GATAD1: variants seen among roughly 807,000 people sequenced by gnomAD.
GATAD1 encodes GATA zinc finger domain-containing protein 1.
In GATAD1, 12 loss-of-function variants were observed where a neutral mutation model predicts 26.5. That is an observed-to-expected ratio of 0.45 (90% confidence interval 0.29 to 0.73). The LOEUF (loss-of-function observed/expected upper bound fraction) is 0.73, where lower values mean the gene tolerates loss of function less well. Ranked by LOEUF, GATAD1 falls within the 30% of genes least tolerant of loss-of-function variation. The probability of loss-of-function intolerance (pLI) is 0.10; values close to 1 mark genes in which losing one functional copy is unlikely to be tolerated. For missense variants in GATAD1, 266 were observed against 342.1 expected (o/e 0.78, Z 1.75); for synonymous variants, 129 against 133.1 (o/e 0.97, Z 0.21).
the GATAD1 span, among the ~76,000 whole-genome samples, chr7:92,482,836 G>T: frequency 2.0e-5 from 3 of 152,126 alleles, no homozygotes; most frequent in African/African-American, 7.2e-5. Context: ...GCACCAGAGT[G>T]GGGGAGTTTT....
At chr7:92,490,499 G>C in the GATAD1 span, among the ~76,000 whole-genome samples, 16 of 152,102 alleles carry the variant, frequency 1.1e-4, no homozygotes, top group African/African-American at 3.9e-4. Context: ...GCTGGGCATG[G>C]TGGCATGTGC....
the GATAD1 span, among the ~76,000 whole-genome samples, chr7:92,477,194 C>A: frequency 5.3e-5 from 8 of 152,148 alleles, no homozygotes; most frequent in African/African-American, 1.9e-4. Flanking sequence ...TTGAGGCAAA[C>A]CAAGTCCCCA....
Position 92,456,621 on chromosome 7 carries a change from G to A in GATAD1, c.*59G>A. On this transcript the variant is annotated 3_prime_UTR_variant, in exon 5 of 5. Coordinates refer to ENST00000287957, the MANE Select transcript of GATAD1 (RefSeq NM_021167.5). ...GTGGTGGCTCACGCCTGTAGCCCCA[G>A]CTATTGCACCACTGCTCTCCAAGCT... 2 of 1,044,740 alleles carry A rather than the reference G, an allele frequency of 1.9e-6. No homozygotes were observed. Among genetic ancestry groups the A allele is most frequent in the Non-Finnish European group, 2.9e-6 (2 of 696,436 alleles). The allele number at this position is 1,044,740 out of a possible 1,614,324, so 64.7% of individuals were successfully genotyped here.
the GATAD1 span, chr7:92,494,514 G>A: frequency 6.2e-7 from 1 of 1,613,864 alleles, no homozygotes; most frequent in Non-Finnish European, 8.5e-7. Context: ...CCATCCAACT[G>A]AGTCAGCAAC....
At chr7:92,470,042 TA>T in the GATAD1 span, 1 of 778,860 alleles carries the variant, frequency 1.3e-6, no homozygotes, top group Admixed American at 1.7e-5. Flanking sequence ...CCATCAGACA[TA>T]CCAGTTTGGG....
the GATAD1 span, among the ~76,000 whole-genome samples, chr7:92,486,507 G>A: frequency 2.6e-5 from 4 of 152,162 alleles, no homozygotes; most frequent in Admixed American, 6.5e-5. Context: ...GCAGGGTGAC[G>A]TGTCTCAGTT....
At position 92,448,932 on chromosome 7, in the gene GATAD1, C is replaced by T. The variant is rs141557811; in HGVS notation, c.375+55C>T. ...TGTAATGACGTTGTGTGTATCCTGC[C>T]ACTGCCTTCATTTCTCACCATTGAA... On this transcript the variant is annotated intron_variant, in intron 2 of 4. Coordinates refer to ENST00000287957, the MANE Select transcript of GATAD1 (RefSeq NM_021167.5). 457 of 1,531,854 alleles carry T rather than the reference C, an allele frequency of 3.0e-4. No homozygotes were observed. The African/African-American group carries it at 5.2e-3, about 17-fold the overall frequency. 94.9% of individuals were successfully genotyped at this position (1,531,854 alleles called of 1,614,324 possible).
chr7:92,453,078 C>G (rs1010497409), intron 3 of GATAD1, among the ~76,000 whole-genome samples: 2 of 152,150 alleles, frequency 1.3e-5, no homozygotes, highest in African/African-American at 4.8e-5. Context: ...CCAGATGAAA[C>G]AGCCACCCTC....
At chr7:92,478,094 A>G in the GATAD1 span, 1 of 152,172 alleles carries the variant, frequency 6.6e-6, no homozygotes, top group African/African-American at 2.4e-5. Flanking sequence ...GTGTGAGCTA[A>G]GTTGCAAGCC....
chr7:92,487,592 A>G, the GATAD1 span: 1 of 793,668 alleles, frequency 1.3e-6, no homozygotes, highest in Non-Finnish European at 2.1e-6. Context: ...CCATTACAAA[A>G]CAAAAGATAA....
At chr7:92,494,014 A>G in the GATAD1 span, 3 of 375,032 alleles carry the variant, frequency 8.0e-6, no homozygotes, top group Admixed American at 8.1e-5. Flanking sequence ...CTTTGAACAG[A>G]AGATAATGTG....
chr7:92,486,514 A>G, the GATAD1 span, among the ~76,000 whole-genome samples: 1 of 152,202 alleles, frequency 6.6e-6, no homozygotes, highest in South Asian at 2.1e-4. Context: ...GACGTGTCTC[A>G]GTTTAATACT....
chr7:92,480,801 T>C, the GATAD1 span, among the ~76,000 whole-genome samples: 1 of 147,914 alleles, frequency 6.8e-6, no homozygotes, highest in Admixed American at 6.7e-5. Flanking sequence ...TCTGACGCCT[T>C]TTGGTGGCCC....
chr7:92,478,805 C>T, the GATAD1 span, among the ~76,000 whole-genome samples: 1 of 152,144 alleles, frequency 6.6e-6, no homozygotes, highest in African/African-American at 2.4e-5. Context: ...AAACTAGGTC[C>T]ACCCAACATG....
intron 2 of GATAD1, 73 bp from the exon 3 acceptor site, chr7:92,450,628 C>A: frequency 1.1e-6 from 1 of 936,594 alleles, no homozygotes; most frequent in South Asian, 1.4e-5. Flanking sequence ...TTGCAGAACT[C>A]TCATAGGGCT....
At chr7:92,464,154 C>T (rs147565829), downstream of GATAD1, among the ~76,000 whole-genome samples, 213 of 152,074 alleles carry the variant, frequency 1.4e-3, 2 homozygotes, top group African/African-American at 4.8e-3. Flanking sequence ...TAAAAAAATA[C>T]GTGGGCAAAG....
At chr7:92,479,352 G>A in the GATAD1 span, among the ~76,000 whole-genome samples, 14 of 152,172 alleles carry the variant, frequency 9.2e-5, no homozygotes, top group Non-Finnish European at 7.4e-5. Flanking sequence ...GGTAGTGGAG[G>A]GGCAGGGGTC....
chr7:92,470,003 T>C, the GATAD1 span: 1 of 778,300 alleles, frequency 1.3e-6, no homozygotes, highest in African/African-American at 1.7e-5. Context: ...TTTACATGTT[T>C]TTCTCTTGCC....
At position 92,456,415 on chromosome 7, in the gene GATAD1, T is replaced by C; in HGVS notation, c.663T>C (p.Phe221=). Residue 221 remains phenylalanine, a synonymous_variant, in exon 5 of 5, where the codon TTT becomes TTC. Coordinates refer to ENST00000287957, the MANE Select transcript of GATAD1 (RefSeq NM_021167.5). ...DLPRKMEYLE[F]VCHAPSEYFK... Reference sequence around the variant, plus strand: ...CAAGGAAGATGGAATACTTGGAATTTGTTTGTCATGCACCTTCTGAGTATT... The same window carrying C: ...CAAGGAAGATGGAATACTTGGAATTCGTTTGTCATGCACCTTCTGAGTATT... 6.2e-7 allele frequency: 1 copy of C among 1,613,256 alleles called. No individual in the cohort carries two copies. The highest frequency in any genetic ancestry group is 8.5e-7 in the Non-Finnish European group (1 of 1,179,434).
Sources: allele counts gnomAD v4.1 joint callset (sites outside exome capture counted in the v4.1 genomes callset), GRCh38; gene constraint gnomAD v4.1.1; transcripts MANE v1.5; gene names NCBI Gene and HGNC (gene_info 2026-07-23, HGNC 2026-07-21).